RPS26: variants seen among roughly 807,000 people sequenced by gnomAD.
The protein encoded by RPS26 is ribosomal protein S26, also known as small ribosomal subunit protein eS26.
RPS26 carries 1 observed loss-of-function variant against 14.7 expected under a neutral mutation model. That is an observed-to-expected ratio of 0.07 (90% CI 0.02 to 0.32). The LOEUF is 0.32. RPS26 is among the 10% of genes least tolerant of loss of function. The pLI, the probability that RPS26 is intolerant of heterozygous loss-of-function variation, is 1.00. For missense variants in RPS26, 63 were observed against 157.7 expected, an observed-to-expected ratio of 0.40 and a Z score of 3.22; for synonymous variants, 59 against 53.1, an observed-to-expected ratio of 1.11 and a Z score of -0.48.
intron 3 of RPS26, 121 bp downstream of exon 3, chr12:56,043,614 C>G: frequency 1.0e-6 from 1 of 1,002,204 alleles, no homozygotes; most frequent in Non-Finnish European, 1.5e-6. Context: ...AAGAAGATTG[C>G]TAGAAACCAG....
In RPS26 at chr12:56,043,352, C is replaced by G. The variant is rs1394604417; in HGVS notation, c.182-11C>G. 1.2e-6 allele frequency: 2 copies of G among 1,610,740 alleles called. No individual in the cohort carries two copies. The highest frequency in any genetic ancestry group is 2.2e-5 in the East Asian group (1 of 44,868). Reference sequence around the variant, plus strand: ...TATAATACCAGTATAACTCTATTTTCTATTCCTTAGCCTATGTGCTTCCCA... The same window carrying G: ...TATAATACCAGTATAACTCTATTTTGTATTCCTTAGCCTATGTGCTTCCCA... On this transcript the variant is annotated splice_polypyrimidine_tract_variant and intron_variant, in intron 2 of 3. Transcript: ENST00000646449.
chr12:56,042,377 CTGGG>C lies in RPS26; in HGVS notation c.4-45_4-42del, dbSNP rs1191484242. ...GCTTGTGGCCGGAAAGGGACTGAGG[CTGGG>C]TGAGTTGCGCCGTTTTCCTAACAGT... On this transcript the variant is annotated intron_variant, in intron 1 of 3. Coordinates refer to ENST00000646449, the MANE Select transcript of RPS26 (RefSeq NM_001029.5). 3.8e-6 allele frequency: 6 copies of C among 1,591,356 alleles called. No individual in the cohort carries two copies. The East Asian group carries it at 1.1e-4, about 30-fold the overall frequency.
chr12:56,042,746 C>T lies in RPS26; in HGVS notation c.181+144C>T, dbSNP rs781540452. ...AGGTTGTTACTGGTAGAAGAGAATT[C>T]TCTTGTTTGCCGTTTTGATTCTTTT... On this transcript the variant is annotated intron_variant, in intron 2 of 3. Coordinates refer to ENST00000646449, the MANE Select transcript of RPS26 (RefSeq NM_001029.5). The T allele has an allele frequency of 2.6e-5, 19 of 740,162 alleles. No homozygotes were observed. In the Middle Eastern group the frequency reaches 1.4e-3, roughly 54 times the overall value. The allele number at this position is 740,162 out of a possible 1,614,324, so 45.8% of individuals were successfully genotyped here.
chr12:56,044,023 C>T (rs1186342749), intron 3 of RPS26, 96 bp from the exon 4 acceptor site: 3 of 1,015,856 alleles, frequency 3.0e-6, no homozygotes, highest in Non-Finnish European at 4.7e-6. Context: ...AGCCTGAATA[C>T]ATCAGTTTGT....
chr12:56,043,341 A>G, intron 2 of RPS26, 22 bp from the exon 3 acceptor site: 1 of 1,608,834 alleles, frequency 6.2e-7, no homozygotes, highest in Non-Finnish European at 8.5e-7. Context: ...ATACCAGTAT[A>G]ACTCTATTTT....
Position 56,044,306 on chromosome 12 carries a change from C to G in RPS26, c.*152C>G. The stretch of plus-strand genomic sequence containing the variant: ...AGTGTGAAGTGACACACATTATTTT[C>G]ATGGGGAAGAAAGCTTATTCATGTA... On this transcript the variant is annotated 3_prime_UTR_variant, in exon 4 of 4. Coordinates refer to ENST00000646449, the MANE Select transcript of RPS26 (RefSeq NM_001029.5). The G allele has an allele frequency of 1.7e-6, 1 of 588,296 alleles. No individual in the cohort carries two copies. The highest frequency in any genetic ancestry group is 3.1e-6 in the Non-Finnish European group (1 of 327,258). 36.4% of individuals were successfully genotyped at this position (588,296 alleles called of 1,614,324 possible).
At position 56,041,985 on chromosome 12, in the gene RPS26, G is replaced by A. The variant is rs936448435; in HGVS notation, c.-182G>A. On this transcript the variant is annotated 5_prime_UTR_variant, in exon 1 of 4. Transcript: ENST00000646449. ...TGTTCCATGGATAAATAAACACTAG[G>A]AACGCATTTCCACCCTAGATTTCAG... 42 of 702,582 alleles carry A rather than the reference G, an allele frequency of 6.0e-5. No individual in the cohort carries two copies. The highest frequency in any genetic ancestry group is 1.0e-4 in the Non-Finnish European group (40 of 387,210). 43.5% of individuals were successfully genotyped at this position (702,582 alleles called of 1,614,324 possible). A position where few individuals can be genotyped will look rare whatever the true frequency, so the allele number is the denominator to read the frequency against.
rs760630234 is a variant in RPS26, at chr12:56,042,155, C to G, written c.-12C>G. 2.5e-6 allele frequency: 4 copies of G among 1,614,054 alleles called. No homozygotes were observed. In the Admixed American group the frequency reaches 5.0e-5, roughly 20 times the overall value. ...CAGGCACCGTCTCCTCTCTCCGGTCCGTGCCTCCAAGATGGTGAGTCTTCT... is the reference window on the plus strand; with the variant it reads ...CAGGCACCGTCTCCTCTCTCCGGTCGGTGCCTCCAAGATGGTGAGTCTTCT... On this transcript the variant is annotated 5_prime_UTR_variant, in exon 1 of 4. Coordinates refer to ENST00000646449, the MANE Select transcript of RPS26 (RefSeq NM_001029.5).
At position 56,044,102 on chromosome 12, in the gene RPS26, GTTTC is replaced by G. The variant is rs1462825593; in HGVS notation, c.313-13_313-10del. ...TCCATGGGTTTTAATTTACTCTTTT[GTTTC>G]TTTGTCTTTCAGGGTGCTGCCCCAC... On this transcript the variant is annotated splice_polypyrimidine_tract_variant and intron_variant, in intron 3 of 3. Coordinates refer to ENST00000646449, the MANE Select transcript of RPS26 (RefSeq NM_001029.5). 1 of 1,612,234 alleles carries G rather than the reference GTTTC, an allele frequency of 6.2e-7. No individual in the cohort carries two copies. The highest frequency in any genetic ancestry group is 8.5e-7 in the Non-Finnish European group (1 of 1,178,382).
At chr12:56,044,079 C>T in intron 3 of RPS26, 40 bp from the exon 4 acceptor site, 1 of 1,588,314 alleles carries the variant, frequency 6.3e-7, no homozygotes, top group South Asian at 1.1e-5. Context: ...GTCTTGGATC[C>T]ATGGGTTTTA....
At chr12:56,043,009 C>G (rs75501922) in intron 2 of RPS26, 4,756 of 396,632 alleles carry the variant, frequency 0.012, 49 homozygotes, top group Non-Finnish European at 0.017. Flanking sequence ...ATAAGAACGT[C>G]GCTTTGTTTT....
rs1181392711 is a variant in RPS26 at position 56,042,049 on chromosome 12, A to C, written c.-118A>C. On this transcript the variant is annotated 5_prime_UTR_variant, in exon 1 of 4. Coordinates refer to ENST00000646449, the MANE Select transcript of RPS26 (RefSeq NM_001029.5). ...TGTAAAGGAATATTTGAGTAAAGTG[A>C]GTTGCCGTTCTTGAAGCCCGTCTCC... The C allele has an allele frequency of 3.0e-6, 3 of 1,003,814 alleles. 1 individual carries two copies. The highest frequency in any genetic ancestry group is 4.8e-5 in the East Asian group (2 of 41,724). 62.2% of individuals were successfully genotyped at this position (1,003,814 alleles called of 1,614,324 possible).
intron 3 of RPS26, among the ~76,000 whole-genome samples, 184 bp downstream of exon 3, chr12:56,043,677 T>C (rs372482382): frequency 3.3e-5 from 5 of 152,206 alleles, no homozygotes; most frequent in Middle Eastern, 3.4e-3. Context: ...CCAAGCATGA[T>C]AGTGTGAACC....
chr12:56,043,213 A>G, intron 2 of RPS26, 150 bp from the exon 3 acceptor site: 1 of 713,684 alleles, frequency 1.4e-6, no homozygotes, highest in Non-Finnish European at 2.5e-6. Flanking sequence ...TGGGCTGAAC[A>G]GGTGCTTTGG....
At position 56,042,645 on chromosome 12, in the gene RPS26, C is replaced by T. The variant is rs751818649; in HGVS notation, c.181+43C>T. ...GCGAACTGTGTGAGGATCCCAGTAT[C>T]TTAAAGCCTTCGCCCAACTTCGCCC... On this transcript the variant is annotated intron_variant, in intron 2 of 3. Coordinates refer to ENST00000646449, the MANE Select transcript of RPS26 (RefSeq NM_001029.5). 18 of 1,547,116 alleles carry T rather than the reference C, an allele frequency of 1.2e-5. 1 individual carries two copies. In the South Asian group the frequency reaches 1.6e-4, roughly 13 times the overall value.
chr12:56,042,136 C>G lies in RPS26; in HGVS notation c.-31C>G, dbSNP rs17118262. 0.077 allele frequency: 124,213 copies of G among 1,613,226 alleles called. 5,170 individuals carry two copies. Among genetic ancestry groups the G allele is most frequent in the Non-Finnish European group, 0.083 (98,350 of 1,179,210 alleles). On this transcript the variant is annotated 5_prime_UTR_variant, in exon 1 of 4. Coordinates refer to ENST00000646449, the MANE Select transcript of RPS26 (RefSeq NM_001029.5). ...CTATATAGGAGGGCCCTGCCAGGCA[C>G]CGTCTCCTCTCTCCGGTCCGTGCCT... is the stretch of plus-strand genomic sequence containing the variant.
At chr12:56,043,617 G>C (rs1480719913) in intron 3 of RPS26, 124 bp downstream of exon 3, 1 of 955,050 alleles carries the variant, frequency 1.0e-6, no homozygotes, top group East Asian at 2.5e-5. Context: ...AAGATTGCTA[G>C]AAACCAGCAG....
rs930094257 is a variant in RPS26, at chr12:56,044,620, A to C, written c.*466A>C. 9 of 163,088 alleles carry C rather than the reference A, an allele frequency of 5.5e-5. No individual in the cohort carries two copies. The highest frequency in any genetic ancestry group is 1.9e-4 in the African/African-American group (8 of 41,514). The allele number at this position is 163,088 out of a possible 1,614,324, so 10.1% of individuals were successfully genotyped here. ...TGGCCTCCCAAAGTGCTGGGATTAC[A>C]GGCTTGAGCCACCTCGCCTAGCTAT... On this transcript the variant is annotated 3_prime_UTR_variant, in exon 4 of 4. Transcript: ENST00000646449.
Position 56,042,093 on chromosome 12 carries a change from C to T in RPS26, c.-74C>T, listed in dbSNP as rs1214111373. On this transcript the variant is annotated 5_prime_UTR_variant, in exon 1 of 4. Transcript: ENST00000646449. ...CGTCTCCTAAGGATTCTCCCGGTGTCCGCGTAGGGATCTCATGCTATATAG... is the reference window on the plus strand; with the variant it reads ...CGTCTCCTAAGGATTCTCCCGGTGTTCGCGTAGGGATCTCATGCTATATAG... 2 of 1,496,638 alleles carry T rather than the reference C, an allele frequency of 1.3e-6. No individual in the cohort carries two copies. The highest frequency in any genetic ancestry group is 1.9e-6 in the Non-Finnish European group (2 of 1,072,720). 92.7% of individuals were successfully genotyped at this position (1,496,638 alleles called of 1,614,324 possible).
Sources: gnomAD v4.1 joint callset for allele counts (sites outside exome capture counted in the v4.1 genomes callset) on GRCh38, gnomAD v4.1.1 for gene constraint, MANE v1.5 for transcripts, NCBI Gene and HGNC (gene_info 2026-07-23, HGNC 2026-07-21) for gene names.